The following PARVB variants were observed in gnomAD, a reference collection of about 807,000 sequenced individuals.
The protein encoded by PARVB is beta-parvin.
PARVB carries 46 observed loss-of-function variants against 47.0 expected under a neutral mutation model. That is an observed-to-expected ratio of 0.98 (90% CI 0.77 to 1.25). The LOEUF is 1.25. Among genes scored for constraint, PARVB ranks in the 50% most tolerant of loss-of-function variants. The pLI is 0.00. For synonymous variants in PARVB, 196 were observed against 196.3 expected (o/e 1.00, Z 0.01); for missense variants, 473 against 471.6 (o/e 1.00, Z -0.03).
intron 10 of PARVB, chr22:44,151,758 C>G: frequency 1.8e-6 from 1 of 545,262 alleles, no homozygotes; most frequent in South Asian, 2.0e-5. Context: ...CACCACAAAC[C>G]TAGTGGCTGA....
rs923184766 is a variant in PARVB at position 44,168,834 on chromosome 22, C to T, written c.*156C>T. On this transcript the variant is annotated 3_prime_UTR_variant, in exon 13 of 13. Coordinates refer to ENST00000338758, the MANE Select transcript of PARVB (RefSeq NM_013327.5). ...CACCCCTACCTCACGCCTGCCCCAC[C>T]CCCTGCCTCTTTTGGTTGTTGTTCT... 1 of 596,174 alleles carries T rather than the reference C, an allele frequency of 1.7e-6. No homozygotes were observed. The highest frequency in any genetic ancestry group is 3.0e-6 in the Non-Finnish European group (1 of 331,426). The allele number at this position is 596,174 out of a possible 1,614,324, so 36.9% of individuals were successfully genotyped here. A position where few individuals can be genotyped will look rare whatever the true frequency, so the allele number is the denominator to read the frequency against.
chr22:44,092,421 A>G (rs2052192304), intron 1 of PARVB, among the ~76,000 whole-genome samples: 1 of 152,004 alleles, frequency 6.6e-6, no homozygotes, highest in East Asian at 1.9e-4. Context: ...GGTTATTTCT[A>G]CTTTTGGGCT....
intron 1 of PARVB, among the ~76,000 whole-genome samples, chr22:44,038,750 C>T (rs1161794289): frequency 6.6e-6 from 1 of 152,040 alleles, no homozygotes; most frequent in Non-Finnish European, 1.5e-5. Flanking sequence ...CCACTGCACT[C>T]CAGCCTGGGC....
At chr22:44,164,409 T>TA (rs71313385) in intron 12 of PARVB, among the ~76,000 whole-genome samples, 8 of 142,322 alleles carry the variant, frequency 5.6e-5, no homozygotes, top group African/African-American at 2.1e-4. Flanking sequence ...TGCTTCCCTG[T>TA]CCCCCCCCCG....
chr22:44,079,571 C>T (rs939521684), intron 1 of PARVB, among the ~76,000 whole-genome samples: 6 of 152,316 alleles, frequency 3.9e-5, no homozygotes, highest in South Asian at 2.1e-4. Flanking sequence ...CTTTAGCCAG[C>T]GGCTGCTGTG....
chr22:44,131,620 C>T lies in PARVB; in HGVS notation c.510C>T (p.Ser170=), dbSNP rs374360843. The change falls in exon 5 of 13, where the codon AGC becomes AGT. Residue 170 remains serine (S), a synonymous_variant. Coordinates refer to ENST00000338758, the MANE Select transcript of PARVB (RefSeq NM_013327.5). ...LRPRGWALRW[S]VDSIHGKNLV... ...CCCGAGGCTGGGCGCTCCGGTGGAG[C>T]GTGGACTGTGAGTTCCACGCCACAG... 5.7e-5 allele frequency: 92 copies of T among 1,611,232 alleles called. No homozygotes were observed. The highest frequency in any genetic ancestry group is 7.2e-5 in the Non-Finnish European group (85 of 1,178,990).
chr22:44,070,751 T>TG (rs2051635750), intron 1 of PARVB, among the ~76,000 whole-genome samples: 2 of 152,310 alleles, frequency 1.3e-5, no homozygotes, highest in Admixed American at 1.3e-4. Flanking sequence ...TGCACAGTGC[T>TG]GGGCGGGATG....
chr22:44,058,451 C>T (rs1193195957), intron 1 of PARVB, among the ~76,000 whole-genome samples: 3 of 152,134 alleles, frequency 2.0e-5, no homozygotes, highest in African/African-American at 7.2e-5. Flanking sequence ...GGGCCCACCG[C>T]AGTCCAGTAT....
chr22:44,003,528 C>T (rs2050433645), intron 2 of PARVB, among the ~76,000 whole-genome samples: 1 of 152,096 alleles, frequency 6.6e-6, no homozygotes, highest in African/African-American at 2.4e-5. Flanking sequence ...GAGATTAAGC[C>T]CTGTTATAAT....
chr22:44,115,487 C>T (rs1466185823), intron 3 of PARVB: 2 of 82,430 alleles, frequency 2.4e-5, no homozygotes, highest in Admixed American at 1.1e-4. Flanking sequence ...TACATTGTTA[C>T]TAACTAAGGC....
At chr22:44,065,180 TTGTC>T (rs2051495168) in intron 1 of PARVB, among the ~76,000 whole-genome samples, 1 of 151,926 alleles carries the variant, frequency 6.6e-6, no homozygotes. Flanking sequence ...TGGGGACCCT[TTGTC>T]TATCTGCTTC....
chr22:44,117,193 G>T (rs971570374), intron 3 of PARVB, among the ~76,000 whole-genome samples: 9 of 152,284 alleles, frequency 5.9e-5, no homozygotes, highest in African/African-American at 2.2e-4. Context: ...CTGGGTTAGG[G>T]ACGGCGCTGG....
intron 1 of PARVB, among the ~76,000 whole-genome samples, chr22:44,083,797 G>A (rs983269457): frequency 4.6e-5 from 7 of 152,186 alleles, no homozygotes; most frequent in Admixed American, 2.0e-4. Context: ...CCTGGAGCTG[G>A]TGGGAGCCAT....
chr22:44,054,863 G>A (rs957399465), intron 1 of PARVB, among the ~76,000 whole-genome samples: 2 of 151,624 alleles, frequency 1.3e-5, no homozygotes, highest in African/African-American at 4.8e-5. Flanking sequence ...GGTGGTGGGC[G>A]CCTGTAATCC....
Position 44,071,453 on chromosome 22 carries a change from C to T in PARVB, c.113-22475C>T, listed in dbSNP as rs149090989. ...CTCTGTCTGAAAGTACAGCCACCCA[C>T]GAAAGGAGGAGGTCTGCTAAGTTTT... On this transcript the variant is annotated intron_variant, in intron 1 of 12. Coordinates refer to ENST00000338758, the MANE Select transcript of PARVB (RefSeq NM_013327.5). 1.3e-3 allele frequency among the ~76,000 whole-genome samples: 202 copies of T among 152,278 alleles called. 1 individual carries two copies. Among genetic ancestry groups the T allele is most frequent in the Non-Finnish European group, 2.1e-3 (146 of 68,028 alleles).
chr22:44,097,399 C>T (rs752952656), intron 2 of PARVB, among the ~76,000 whole-genome samples: 4 of 152,154 alleles, frequency 2.6e-5, no homozygotes, highest in East Asian at 1.9e-4. Flanking sequence ...GTGAGCAGCC[C>T]GTAGCAGACT....
chr22:44,000,898 G>T (rs1229772576), intron 2 of PARVB, among the ~76,000 whole-genome samples: 1 of 152,180 alleles, frequency 6.6e-6, no homozygotes, highest in African/African-American at 2.4e-5. Context: ...CAAAATACTG[G>T]TTCCCTGAAT....
chr22:44,096,022 G>A (rs1443164150), intron 2 of PARVB, among the ~76,000 whole-genome samples: 1 of 152,158 alleles, frequency 6.6e-6, no homozygotes, highest in South Asian at 2.1e-4. Context: ...TCAGGAGTTC[G>A]AAACCAGCCT....
intron 6 of PARVB, 78 bp from the exon 7 acceptor site, chr22:44,136,382 A>G (rs1266227405): frequency 7.8e-7 from 1 of 1,286,912 alleles, no homozygotes; most frequent in Non-Finnish European, 1.1e-6. Context: ...CCGGCCCCGC[A>G]GCTTCGTCTG....
Sources: gnomAD v4.1 joint callset for allele counts (sites outside exome capture counted in the v4.1 genomes callset) on GRCh38, gnomAD v4.1.1 for gene constraint, MANE v1.5 for transcripts, NCBI Gene and HGNC (gene_info 2026-07-23, HGNC 2026-07-21) for gene names.